The following ZNF131 variants were observed in gnomAD, a reference collection of about 807,000 sequenced individuals.
ZNF131 encodes the protein zinc finger protein 131.
A neutral mutation model predicts 60.0 loss-of-function variants in ZNF131; 7 were observed. That is an observed-to-expected ratio of 0.12 (90% CI 0.07 to 0.22). ZNF131 has a LOEUF of 0.22. Among genes scored for constraint, ZNF131 ranks in the 10% least tolerant of loss-of-function variants. The pLI, the probability that ZNF131 is intolerant of heterozygous loss-of-function variation, is 1.00. For synonymous variants in ZNF131, 257 were observed against 253.2 expected, an observed-to-expected ratio of 1.01 and a Z score of -0.14; for missense variants, 493 against 740.9, an observed-to-expected ratio of 0.67 and a Z score of 3.88.
chr5:43,172,038 A>G (rs78185247), intron 5 of ZNF131, among the ~76,000 whole-genome samples: 1,767 of 152,276 alleles, frequency 0.012, 31 homozygotes, highest in African/African-American at 0.04. Context: ...ATAAGCCACC[A>G]TGTTTGGCCT....
intron 3 of ZNF131, among the ~76,000 whole-genome samples, chr5:43,136,389 A>G (rs1746086834): frequency 2.0e-5 from 3 of 152,024 alleles, no homozygotes; most frequent in Admixed American, 2.0e-4. Context: ...GAAACAGGAA[A>G]AGCAGTTCTA....
In ZNF131 at chr5:43,148,043, CTTTTTT is replaced by C. The variant is rs55979930; in HGVS notation, c.371+8747_371+8752del. On this transcript the variant is annotated intron_variant, in intron 4 of 6. Coordinates refer to ENST00000682664, the MANE Select transcript of ZNF131 (RefSeq NM_001330707.2). ...TACTCCAGCCTGAGCGACAAGAGTGCTTTTTTTTTTTTTTTTTTCTGGAAAAAAGAA... is the reference window on the plus strand; with the variant it reads ...TACTCCAGCCTGAGCGACAAGAGTGCTTTTTTTTTTTTCTGGAAAAAAGAA... Among the ~76,000 whole-genome samples the C allele has an allele frequency of 5.7e-5, 7 of 123,786 alleles. No homozygotes were observed. The South Asian group carries it at 7.9e-4, about 14-fold the overall frequency. The allele number at this position is 123,786 out of a possible 152,430, so 81.2% of individuals were successfully genotyped here.
chr5:43,121,932 C>A, intron 1 of ZNF131, 107 bp from the exon 2 acceptor site: 9 of 1,225,758 alleles, frequency 7.3e-6, no homozygotes, highest in Non-Finnish European at 8.8e-6. Flanking sequence ...TCACCCTCCC[C>A]CCTTCTTTTC....
chr5:43,134,090 C>CAATAT (rs1282123293), intron 3 of ZNF131, among the ~76,000 whole-genome samples: 2 of 152,098 alleles, frequency 1.3e-5, no homozygotes, highest in African/African-American at 2.4e-5. Flanking sequence ...AACTATAGCC[C>CAATAT]AATATCCTTG....
chr5:43,166,679 G>A (rs782990), intron 5 of ZNF131, among the ~76,000 whole-genome samples: 41,089 of 141,876 alleles, frequency 0.29, 6,169 homozygotes, highest in East Asian at 0.65. Flanking sequence ...TTTTTGACAC[G>A]GGGTCTCGCT....
chr5:43,168,920 A>G (rs1750662276), intron 5 of ZNF131, among the ~76,000 whole-genome samples: 2 of 152,214 alleles, frequency 1.3e-5, no homozygotes, highest in Admixed American at 1.3e-4. Context: ...TTGGAGGCTA[A>G]TTAACTTAGA....
chr5:43,121,866 A>G, intron 1 of ZNF131, 173 bp from the exon 2 acceptor site: 1 of 636,910 alleles, frequency 1.6e-6, no homozygotes, highest in Non-Finnish European at 2.4e-6. Context: ...CTCCGGTCTC[A>G]ACGCTCCGGG....
chr5:43,168,284 C>T (rs1390099344), intron 5 of ZNF131, among the ~76,000 whole-genome samples: 2 of 152,168 alleles, frequency 1.3e-5, no homozygotes, highest in African/African-American at 4.8e-5. Flanking sequence ...GGGGTCATTA[C>T]CCTTTGATGA....
intron 4 of ZNF131, among the ~76,000 whole-genome samples, chr5:43,151,548 C>T (rs1748316823): frequency 6.6e-6 from 1 of 152,158 alleles, no homozygotes; most frequent in African/African-American, 2.4e-5. Flanking sequence ...AATACTCCTG[C>T]CTCAGCCTCC....
rs568677639 is a variant in ZNF131 at position 43,130,131 on chromosome 5, G to A, written c.226+6821G>A. Among the ~76,000 whole-genome samples, 6 of 151,630 alleles carry A rather than the reference G, an allele frequency of 4.0e-5. No individual in the cohort carries two copies. The East Asian group carries it at 5.9e-4, about 15-fold the overall frequency. ...ATACAAAAATTAGCCGGACATGGCA[G>A]CGCGTGCCTGTAGTCCCAGCTACTG... is the stretch of plus-strand genomic sequence containing the variant. On this transcript the variant is annotated intron_variant, in intron 3 of 6. Coordinates refer to ENST00000682664, the MANE Select transcript of ZNF131 (RefSeq NM_001330707.2).
intron 3 of ZNF131, among the ~76,000 whole-genome samples, chr5:43,126,883 C>T (rs1309643848): frequency 6.6e-6 from 1 of 152,068 alleles, no homozygotes; most frequent in Non-Finnish European, 1.5e-5. Context: ...TCCCATTCAT[C>T]ATCTTTTCTA....
chr5:43,126,511 G>A (rs995435484), intron 3 of ZNF131, among the ~76,000 whole-genome samples: 11 of 152,276 alleles, frequency 7.2e-5, no homozygotes, highest in African/African-American at 2.4e-4. Flanking sequence ...TTTAGAGGAC[G>A]TTTCTTCTCT....
chr5:43,126,412 T>C (rs1744556901), intron 3 of ZNF131, among the ~76,000 whole-genome samples: 1 of 152,184 alleles, frequency 6.6e-6, no homozygotes, highest in Admixed American at 6.5e-5. Flanking sequence ...ATCCATGCCA[T>C]TGTGCAGTTC....
intron 3 of ZNF131, among the ~76,000 whole-genome samples, chr5:43,136,642 T>C (rs979386685): frequency 1.5e-5 from 2 of 134,536 alleles, no homozygotes; most frequent in African/African-American, 2.6e-5. Flanking sequence ...TTTTTCTTTT[T>C]TCTTTTTCTT....
chr5:43,166,335 T>G (rs1750342435), intron 5 of ZNF131, among the ~76,000 whole-genome samples: 1 of 152,118 alleles, frequency 6.6e-6, no homozygotes, highest in Non-Finnish European at 1.5e-5. Context: ...CACTTCTGCC[T>G]TTTGATTTGA....
chr5:43,167,238 A>C (rs144125032), intron 5 of ZNF131, among the ~76,000 whole-genome samples: 9 of 152,350 alleles, frequency 5.9e-5, no homozygotes, highest in African/African-American at 2.2e-4. Flanking sequence ...TTTAAATTTA[A>C]ATTTGAAATA....
chr5:43,131,237 ATC>A (rs1745313462), intron 3 of ZNF131, among the ~76,000 whole-genome samples: 1 of 151,442 alleles, frequency 6.6e-6, no homozygotes, highest in Non-Finnish European at 1.5e-5. Flanking sequence ...CAAAGGTGCA[ATC>A]TCGGCTCACT....
chr5:43,138,829 A>G (rs1017191127), intron 3 of ZNF131, among the ~76,000 whole-genome samples: 16 of 152,240 alleles, frequency 1.1e-4, no homozygotes, highest in African/African-American at 3.9e-4. Context: ...GTGAAAAGCT[A>G]TTGAAGATTT....
chr5:43,168,310 GAGTT>G (rs1205589484), intron 5 of ZNF131, among the ~76,000 whole-genome samples: 10 of 152,236 alleles, frequency 6.6e-5, no homozygotes, highest in Admixed American at 6.5e-4. Flanking sequence ...AAAGGAAAAG[GAGTT>G]AGCCTCGAAA....
Sources: allele counts gnomAD v4.1 joint callset (sites outside exome capture counted in the v4.1 genomes callset), GRCh38; gene constraint gnomAD v4.1.1; transcripts MANE v1.5; gene names NCBI Gene and HGNC (gene_info 2026-07-23, HGNC 2026-07-21).